The following RSPO2 variants were observed in gnomAD, a reference collection of about 807,000 sequenced individuals.
RSPO2 encodes the protein R-spondin-2.
In RSPO2, 14 loss-of-function variants were observed where a neutral mutation model predicts 30.9. That is an observed-to-expected ratio of 0.45 (90% CI 0.30 to 0.71). The LOEUF is 0.71. Ranked by LOEUF, RSPO2 falls within the 30% of genes least tolerant of loss-of-function variation. The pLI, the probability that RSPO2 is intolerant of heterozygous loss-of-function variation, is 0.08. For synonymous variants in RSPO2, 107 were observed against 96.4 expected (o/e 1.11, Z -0.64); for missense variants, 264 against 301.9 (o/e 0.87, Z 0.93).
At chr8:107,999,971 A>G (rs1296448554) in intron 2 of RSPO2, among the ~76,000 whole-genome samples, 2 of 152,316 alleles carry the variant, frequency 1.3e-5, no homozygotes, top group African/African-American at 4.8e-5. Context: ...CTGGAAAAAT[A>G]TATGTATTTA....
chr8:107,954,189 T>TCCTC (rs1402805460), intron 5 of RSPO2, among the ~76,000 whole-genome samples: 2 of 152,190 alleles, frequency 1.3e-5, no homozygotes, highest in African/African-American at 4.8e-5. Flanking sequence ...TGTTGGTCAA[T>TCCTC]CCTCCTGTGA....
intron 5 of RSPO2, among the ~76,000 whole-genome samples, chr8:107,948,146 G>C (rs77460779): frequency 6.6e-6 from 1 of 152,088 alleles, no homozygotes; most frequent in Non-Finnish European, 1.5e-5. Context: ...ATTAAGCTTT[G>C]CCTTTTATCT....
At chr8:107,904,117 T>A (rs553835945) in intron 5 of RSPO2, among the ~76,000 whole-genome samples, 1 of 152,056 alleles carries the variant, frequency 6.6e-6, no homozygotes, top group African/African-American at 2.4e-5. Context: ...ATAATAGACA[T>A]ACAAACGTGC....
chr8:107,989,178 C>G lies in RSPO2; in HGVS notation c.161G>C (p.Arg54Pro). Residue 54 changes from arginine to proline, a missense_variant, in exon 3 of 6, where the codon CGA becomes CCA. By Grantham distance (103) the Arg-to-Pro change is moderately radical. Coordinates refer to ENST00000276659, the MANE Select transcript of RSPO2 (RefSeq NM_178565.5). ...LSCSKDNGCSRCQQKLFFFLR... is the reference protein window; with the variant it reads ...LSCSKDNGCSPCQQKLFFFLR... ...GAAGAAGAACAACTTCTGTTGACAT[C>G]GGCTACACCCATTGTCCTTTGAACA... The G allele has an allele frequency of 6.2e-7, 1 of 1,610,534 alleles. No individual in the cohort carries two copies. The highest frequency in any genetic ancestry group is 1.1e-5 in the South Asian group (1 of 90,216).
chr8:107,973,189 G>T lies in RSPO2; in HGVS notation c.284-12372C>A, dbSNP rs374382189. Among the ~76,000 whole-genome samples, 79 of 151,344 alleles carry T rather than the reference G, an allele frequency of 5.2e-4. 1 individual carries two copies. In the South Asian group the frequency reaches 0.015, roughly 29 times the overall value. ...GGAGGCTGAGCCAGGAGTATGGCGTGAACCCGGGAGGCAGAGTTTGCAGTG... is the reference window on the plus strand; with the variant it reads ...GGAGGCTGAGCCAGGAGTATGGCGTTAACCCGGGAGGCAGAGTTTGCAGTG... On this transcript the variant is annotated intron_variant, in intron 3 of 5. Transcript: ENST00000276659.
chr8:107,950,825 T>A (rs1165162445), intron 5 of RSPO2, among the ~76,000 whole-genome samples: 1 of 152,140 alleles, frequency 6.6e-6, no homozygotes, highest in African/African-American at 2.4e-5. Flanking sequence ...TTCTGTATGA[T>A]GACATGAATC....
At chr8:107,939,984 A>G (rs1169979724) in intron 5 of RSPO2, among the ~76,000 whole-genome samples, 3 of 152,132 alleles carry the variant, frequency 2.0e-5, no homozygotes, top group African/African-American at 7.2e-5. Flanking sequence ...ATGCCCTATA[A>G]GTCAGCAGAG....
rs945554313 is a variant in RSPO2 at position 107,928,678 on chromosome 8, G to T, written c.617-27488C>A. 3.3e-5 allele frequency among the ~76,000 whole-genome samples: 5 copies of T among 152,192 alleles called. No individual in the cohort carries two copies. In the East Asian group the frequency reaches 9.6e-4, roughly 29 times the overall value. On this transcript the variant is annotated intron_variant, in intron 5 of 5. Coordinates refer to ENST00000276659, the MANE Select transcript of RSPO2 (RefSeq NM_178565.5). ...CATGCTCTTTGGAGACTGAGCCTTGGTTTCAGCCTCAGCTCTGCCACTGTA... is the reference window on the plus strand; with the variant it reads ...CATGCTCTTTGGAGACTGAGCCTTGTTTTCAGCCTCAGCTCTGCCACTGTA...
At chr8:108,011,331 G>A (rs561599673) in intron 2 of RSPO2, among the ~76,000 whole-genome samples, 9 of 151,844 alleles carry the variant, frequency 5.9e-5, no homozygotes, top group African/African-American at 1.7e-4. Context: ...ACAAAAAATC[G>A]TAAATTATAT....
intron 4 of RSPO2, 81 bp from the exon 5 acceptor site, chr8:107,958,349 C>T: frequency 8.5e-7 from 1 of 1,172,640 alleles, no homozygotes; most frequent in South Asian, 1.4e-5. Context: ...ATCAAATTTA[C>T]AGAGCAGTGT....
At chr8:107,948,729 G>T in intron 5 of RSPO2, among the ~76,000 whole-genome samples, 1 of 151,988 alleles carries the variant, frequency 6.6e-6, no homozygotes, top group South Asian at 2.1e-4. Context: ...GCGTGGTGGC[G>T]GGTGCCTGTG....
intron 5 of RSPO2, among the ~76,000 whole-genome samples, chr8:107,922,369 ATATC>A (rs1812200709): frequency 6.6e-6 from 1 of 152,150 alleles, no homozygotes; most frequent in South Asian, 2.1e-4. Flanking sequence ...GAAGAATAAA[ATATC>A]TAGGAATACA....
chr8:107,971,201 C>A (rs2130470929), intron 3 of RSPO2, among the ~76,000 whole-genome samples: 1 of 152,264 alleles, frequency 6.6e-6, no homozygotes, highest in East Asian at 1.9e-4. Context: ...AAATAATAGG[C>A]TCACTTACAA....
chr8:108,045,859 A>G (rs922047931), intron 2 of RSPO2, among the ~76,000 whole-genome samples: 2 of 152,186 alleles, frequency 1.3e-5, no homozygotes, highest in South Asian at 2.1e-4. Context: ...ACACTCCGGA[A>G]TATATCTCCA....
At chr8:108,007,695 C>A (rs1251087902) in intron 2 of RSPO2, among the ~76,000 whole-genome samples, 3 of 151,926 alleles carry the variant, frequency 2.0e-5, no homozygotes, top group Non-Finnish European at 4.4e-5. Flanking sequence ...TTCATAGTAC[C>A]CCCAAGAACA....
chr8:107,904,609 C>A (rs918319898), intron 5 of RSPO2, among the ~76,000 whole-genome samples: 1 of 151,976 alleles, frequency 6.6e-6, no homozygotes, highest in Non-Finnish European at 1.5e-5. Context: ...GAAGGCAATG[C>A]AATGTGGTTT....
chr8:108,043,129 G>A (rs1310317373), intron 2 of RSPO2, among the ~76,000 whole-genome samples: 2 of 152,152 alleles, frequency 1.3e-5, no homozygotes, highest in African/African-American at 4.8e-5. Flanking sequence ...GGCAGTTTGT[G>A]AGTGAGGAAG....
intron 2 of RSPO2, chr8:107,996,969 CA>C (rs1435690723): frequency 2.2e-6 from 1 of 450,898 alleles, no homozygotes; most frequent in African/African-American, 2.0e-5. Flanking sequence ...TCCCTTAAAG[CA>C]AAAGTGATGT....
chr8:107,996,596 A>G (rs1815033464), intron 2 of RSPO2, among the ~76,000 whole-genome samples: 1 of 152,216 alleles, frequency 6.6e-6, no homozygotes, highest in Non-Finnish European at 1.5e-5. Flanking sequence ...TCACTGTCCT[A>G]CAGTCATCAC....
Sources: gnomAD v4.1 joint callset for allele counts (sites outside exome capture counted in the v4.1 genomes callset) on GRCh38, gnomAD v4.1.1 for gene constraint, MANE v1.5 for transcripts, NCBI Gene and HGNC (gene_info 2026-07-23, HGNC 2026-07-21) for gene names.